Variants in CNPY3 observed in about 807,000 individuals in gnomAD.
The protein encoded by CNPY3 is protein canopy homolog 3.
CNPY3 carries 20 observed loss-of-function variants against 32.0 expected under a neutral mutation model. The observed-to-expected ratio is 0.63, with a 90% CI of 0.44 to 0.91. The LOEUF (loss-of-function observed/expected upper bound fraction) is 0.91, where lower values mean the gene tolerates loss of function less well. Among genes scored for constraint, CNPY3 ranks in the 40% least tolerant of loss-of-function variants. The pLI, the probability that CNPY3 is intolerant of heterozygous loss-of-function variation, is 0.00. For missense variants in CNPY3, 299 were observed against 340.8 expected, an observed-to-expected ratio of 0.88 and a Z score of 0.97; for synonymous variants, 138 against 142.9, an observed-to-expected ratio of 0.97 and a Z score of 0.24.
chr6:42,929,305 T>A, upstream of CNPY3: 1 of 470,870 alleles, frequency 2.1e-6, no homozygotes, highest in Non-Finnish European at 3.8e-6. Flanking sequence ...CCATCTGCTC[T>A]CTTACTGGCC....
chr6:42,934,520 C>G lies in CNPY3; in HGVS notation c.197C>G (p.Thr66Ser). Residue 66 changes from threonine to serine, a missense_variant, in exon 2 of 6, where the codon ACC becomes AGC. By Grantham distance (58) the Thr-to-Ser change is moderately conservative (BLOSUM62 1). Transcript: ENST00000372836. ...GAGCTGAAGTCAGCCTTTGAGGAAACCGGCAAGACCAAGGAGGTGATTGGC... is the reference window on the plus strand; with the variant it reads ...GAGCTGAAGTCAGCCTTTGAGGAAAGCGGCAAGACCAAGGAGGTGATTGGC... Reference protein sequence around the residue: ...AVELKSAFEETGKTKEVIGTG... With the variant: ...AVELKSAFEESGKTKEVIGTG... 6.2e-7 allele frequency: 1 copy of G among 1,614,074 alleles called. No homozygotes were observed. The highest frequency in any genetic ancestry group is 1.1e-5 in the South Asian group (1 of 91,080).
intron 1 of CNPY3, among the ~76,000 whole-genome samples, chr6:42,931,989 C>G (rs896542820): frequency 1.3e-5 from 2 of 151,944 alleles, no homozygotes; most frequent in African/African-American, 4.8e-5. Flanking sequence ...TTCCAAATTG[C>G]TGGGATTACA....
chr6:42,937,165 A>G lies in CNPY3; in HGVS notation c.373-552A>G, dbSNP rs114738889. ...GAGGGGAAAGAGCTAAGACAAACCT[A>G]TTTCCTGGAAAAGAAGCATAAAGCC... On this transcript the variant is annotated intron_variant, in intron 3 of 5. Coordinates refer to ENST00000372836, the MANE Select transcript of CNPY3 (RefSeq NM_006586.5). Among the ~76,000 whole-genome samples the G allele has an allele frequency of 8.1e-3, 1,238 of 151,984 alleles. 16 individuals carry two copies. Among genetic ancestry groups the G allele is most frequent in the African/African-American group, 0.028 (1,168 of 41,442 alleles).
intron 4 of CNPY3, 58 bp from the exon 5 acceptor site, chr6:42,938,029 GCTC>G: frequency 2.6e-6 from 4 of 1,522,430 alleles, no homozygotes; most frequent in Non-Finnish European, 3.6e-6. Context: ...GCTTAGCTGA[GCTC>G]CTCTAGGAGC....
At chr6:42,928,237 T>C (rs1767517853), upstream of CNPY3, among the ~76,000 whole-genome samples, 1 of 152,178 alleles carries the variant, frequency 6.6e-6, no homozygotes. Flanking sequence ...TCCACCTACC[T>C]CGGCCTTCCA....
At position 42,938,590 on chromosome 6, in the gene CNPY3, C is replaced by T. The variant is rs371860465; in HGVS notation, c.636C>T (p.Ser212=). The change falls in exon 6 of 6, where the codon TCC becomes TCT. Residue 212 remains serine (S), a synonymous_variant. Coordinates refer to ENST00000372836, the MANE Select transcript of CNPY3 (RefSeq NM_006586.5). ...KDTSCLAEQW[S]GKKGDTAALG... ...TAGGTTGCCTGGCAGAGCAGTGGTC[C>T]GGCAAGAAGGGAGACACAGCTGCCC... is the stretch of plus-strand genomic sequence containing the variant. The T allele has an allele frequency of 4.1e-5, 66 of 1,595,694 alleles. No homozygotes were observed. The highest frequency in any genetic ancestry group is 3.4e-4 in the South Asian group (30 of 88,464).
At chr6:42,935,108 T>C (rs1452956835) in intron 2 of CNPY3, among the ~76,000 whole-genome samples, 1 of 152,144 alleles carries the variant, frequency 6.6e-6, no homozygotes, top group Non-Finnish European at 1.5e-5. Context: ...CCTGAGATGA[T>C]CCGCCTGCCT....
At chr6:42,935,396 C>G (rs1768145713) in intron 2 of CNPY3, 178 bp from the exon 3 acceptor site, 2 of 985,046 alleles carry the variant, frequency 2.0e-6, no homozygotes, top group Admixed American at 1.2e-4. Context: ...TTTTGTCTCT[C>G]TGGTCTGTGT....
At chr6:42,932,385 C>G (rs1367067140) in intron 1 of CNPY3, among the ~76,000 whole-genome samples, 26 of 152,136 alleles carry the variant, frequency 1.7e-4, no homozygotes. Flanking sequence ...GAACAGGCCT[C>G]GGCACAGAGG....
In CNPY3 at chr6:42,938,942, G is replaced by A; in HGVS notation, c.*151G>A. 5 of 1,423,924 alleles carry A rather than the reference G, an allele frequency of 3.5e-6. No individual in the cohort carries two copies. The highest frequency in any genetic ancestry group is 1.6e-5 in the South Asian group (1 of 61,376). The allele number at this position is 1,423,924 out of a possible 1,614,324, so 88.2% of individuals were successfully genotyped here. A position where few individuals can be genotyped will look rare whatever the true frequency, so the allele number is the denominator to read the frequency against. On this transcript the variant is annotated 3_prime_UTR_variant, in exon 6 of 6. Transcript: ENST00000372836. The stretch of plus-strand genomic sequence containing the variant: ...TGCCAAGGAAAGACACAAGCCCCAG[G>A]AAGAACTCAGAGCCGTCATGGGTAG...
At chr6:42,928,115 G>A (rs139387209), upstream of CNPY3, among the ~76,000 whole-genome samples, 2,020 of 152,090 alleles carry the variant, frequency 0.013, 48 homozygotes, top group African/African-American at 0.045. Context: ...CACCTCCCGA[G>A]TAGCTGGGAT....
chr6:42,929,844 C>G, intron 1 of CNPY3, 123 bp downstream of exon 1: 1 of 1,173,324 alleles, frequency 8.5e-7, no homozygotes, highest in Non-Finnish European at 1.2e-6. Flanking sequence ...CTTCCTTGAA[C>G]AGGCTTGCGC....
intron 2 of CNPY3, among the ~76,000 whole-genome samples, chr6:42,934,999 G>A (rs1455130548): frequency 6.6e-6 from 1 of 152,112 alleles, no homozygotes; most frequent in African/African-American, 2.4e-5. Flanking sequence ...CAAGTAGCTG[G>A]GATTACAGGC....
chr6:42,938,470 C>T (rs886649980), intron 5 of CNPY3, 98 bp from the exon 6 acceptor site: 1 of 1,179,906 alleles, frequency 8.5e-7, no homozygotes, highest in Non-Finnish European at 1.2e-6. Flanking sequence ...CAAGCACAGT[C>T]CCAGTTGCTA....
In CNPY3 at chr6:42,937,844, A is replaced by G; in HGVS notation, c.495+5A>G. 1 of 1,614,104 alleles carries G rather than the reference A, an allele frequency of 6.2e-7. No individual in the cohort carries two copies. On this transcript the variant is annotated splice_donor_5th_base_variant and intron_variant, in intron 4 of 5. Coordinates refer to ENST00000372836, the MANE Select transcript of CNPY3 (RefSeq NM_006586.5). ...GTGGCTGACCTCAAGAAGCAGGTACAGGCCCTTCAGCCCTTGGAAGGGTTG... is the reference window on the plus strand; with the variant it reads ...GTGGCTGACCTCAAGAAGCAGGTACGGGCCCTTCAGCCCTTGGAAGGGTTG...
At position 42,934,560 on chromosome 6, in the gene CNPY3, C is replaced by G. The variant is rs753075646; in HGVS notation, c.237C>G (p.Ile79Met). ...AGGTGATTGGCACGGGCTATGGCAT[C>G]CTGGACCAGAAGGCCTCTGGAGTCA... Reference protein sequence around the residue: ...TKEVIGTGYGILDQKASGVKY... With the variant: ...TKEVIGTGYGMLDQKASGVKY... The change falls in exon 2 of 6, where the codon ATC becomes ATG. Residue 79 changes from isoleucine (I) to methionine (M), a missense_variant. Transcript: ENST00000372836. The G allele has an allele frequency of 6.2e-7, 1 of 1,614,086 alleles. No homozygotes were observed. Among genetic ancestry groups the G allele is most frequent in the Non-Finnish European group, 8.5e-7 (1 of 1,180,006 alleles).
chr6:42,929,406 G>C, upstream of CNPY3: 1 of 757,326 alleles, frequency 1.3e-6, no homozygotes, highest in Non-Finnish European at 2.1e-6. Context: ...GGTCCGCTTT[G>C]AAGGCGGGCT....
At position 42,930,363 on chromosome 6, in the gene CNPY3, A is replaced by G. The variant is rs551230000; in HGVS notation, c.151+642A>G. 1.3e-4 allele frequency among the ~76,000 whole-genome samples: 20 copies of G among 152,330 alleles called. No individual in the cohort carries two copies. The South Asian group carries it at 3.1e-3, about 24-fold the overall frequency. On this transcript the variant is annotated intron_variant, in intron 1 of 5. Transcript: ENST00000372836. ...TCACACAGTGTCTGGTAGGCACTCAATAAATGTTTTGAGAATACAGATGAT... is the reference window on the plus strand; with the variant it reads ...TCACACAGTGTCTGGTAGGCACTCAGTAAATGTTTTGAGAATACAGATGAT...
At chr6:42,934,273 T>G (rs1286110523) in intron 1 of CNPY3, among the ~76,000 whole-genome samples, 1 of 152,074 alleles carries the variant, frequency 6.6e-6, no homozygotes, top group Non-Finnish European at 1.5e-5. Context: ...GAAACTGGGG[T>G]TAATCAGAAG....
Sources: gnomAD v4.1 joint callset for allele counts (sites outside exome capture counted in the v4.1 genomes callset) on GRCh38, gnomAD v4.1.1 for gene constraint, MANE v1.5 for transcripts, NCBI Gene and HGNC (gene_info 2026-07-23, HGNC 2026-07-21) for gene names.